DLC1: variants seen among roughly 807,000 people sequenced by gnomAD.
DLC1 encodes rho GTPase-activating protein 7.
A neutral mutation model predicts 140.3 loss-of-function variants in DLC1; 54 were observed. That is an observed-to-expected ratio of 0.38 (90% confidence interval 0.31 to 0.48). The LOEUF is 0.48. Among genes scored for constraint, DLC1 ranks in the 20% least tolerant of loss-of-function variants. DLC1 has a pLI of 0.96. For synonymous variants in DLC1, 986 were observed against 728.1 expected (o/e 1.35, Z -5.70); for missense variants, 2,536 against 1,907.0 (o/e 1.33, Z -6.14).
At chr8:13,190,072 C>G (rs1330176282) in intron 5 of DLC1, among the ~76,000 whole-genome samples, 1 of 152,152 alleles carries the variant, frequency 6.6e-6, no homozygotes, top group Admixed American at 6.6e-5. Context: ...ACAGATGAAA[C>G]TAACTCTAAT....
intron 4 of DLC1, among the ~76,000 whole-genome samples, chr8:13,372,295 T>C (rs1320574757): frequency 6.6e-6 from 1 of 152,198 alleles, no homozygotes; most frequent in East Asian, 1.9e-4. Flanking sequence ...AATCATGCTT[T>C]CCTTACTAAT....
At chr8:13,094,415 T>G (rs1234993991) in intron 12 of DLC1, among the ~76,000 whole-genome samples, 1 of 152,052 alleles carries the variant, frequency 6.6e-6, no homozygotes, top group Non-Finnish European at 1.5e-5. Flanking sequence ...CCTGTAATCC[T>G]AGCACTCTGG....
chr8:13,392,417 A>T (rs2117210162), intron 4 of DLC1, among the ~76,000 whole-genome samples: 1 of 152,360 alleles, frequency 6.6e-6, no homozygotes, highest in Admixed American at 6.5e-5. Flanking sequence ...TAAATATTTA[A>T]GCCATGCGTA....
rs373564962 is a variant in DLC1, at chr8:13,424,268, C to T, written c.1024-22649G>A. ...AATCCCAGCACTTTGGGAGGCCAAT[C>T]ACCTGAAGTCAGGAGTTCAAGGTCA... On this transcript the variant is annotated intron_variant, in intron 2 of 17. Transcript: ENST00000276297. Among the ~76,000 whole-genome samples the T allele has an allele frequency of 2.2e-4, 34 of 152,196 alleles. No homozygotes were observed. The East Asian group carries it at 2.3e-3, about 10-fold the overall frequency.
At chr8:13,423,584 A>T (rs948411685) in intron 2 of DLC1, among the ~76,000 whole-genome samples, 8 of 152,178 alleles carry the variant, frequency 5.3e-5, no homozygotes, top group African/African-American at 7.2e-5. Flanking sequence ...AAGGAGTATT[A>T]ATACTATGAT....
At chr8:13,127,506 T>C (rs10503436) in intron 5 of DLC1, among the ~76,000 whole-genome samples, 16,067 of 152,278 alleles carry the variant, frequency 0.11, 1,907 homozygotes, top group African/African-American at 0.29. Context: ...GAGAACTGTA[T>C]GGAGATTGGA....
intron 2 of DLC1, chr8:13,498,813 A>G: frequency 2.4e-6 from 1 of 423,334 alleles, no homozygotes; most frequent in South Asian, 6.8e-5. Context: ...CACAATTCTG[A>G]AATAGAATAT....
At chr8:13,329,600 A>T (rs1313163366) in intron 4 of DLC1, among the ~76,000 whole-genome samples, 2 of 152,168 alleles carry the variant, frequency 1.3e-5, no homozygotes, top group Non-Finnish European at 2.9e-5. Flanking sequence ...TTTTGGGGTG[A>T]CTTGGTTTAG....
At chr8:13,248,594 C>A (rs1324750619) in intron 5 of DLC1, among the ~76,000 whole-genome samples, 1 of 152,138 alleles carries the variant, frequency 6.6e-6, no homozygotes, top group Admixed American at 6.5e-5. Context: ...TCTGCGGACA[C>A]CCCCCACATG....
At chr8:13,142,300 A>T (rs946917430) in intron 5 of DLC1, among the ~76,000 whole-genome samples, 1 of 152,228 alleles carries the variant, frequency 6.6e-6, no homozygotes, top group Non-Finnish European at 1.5e-5. Flanking sequence ...AAAGACTAAT[A>T]TTTGAGGATT....
intron 1 of DLC1, among the ~76,000 whole-genome samples, chr8:13,551,980 T>A (rs1197448643): frequency 6.9e-6 from 1 of 145,726 alleles, no homozygotes; most frequent in Non-Finnish European, 1.5e-5. Context: ...TATGTGTGTG[T>A]GTGTATATAT....
intron 4 of DLC1, among the ~76,000 whole-genome samples, chr8:13,319,819 CTCTTTT>C (rs1367377984): frequency 2.6e-4 from 20 of 76,164 alleles, no homozygotes; most frequent in African/African-American, 4.9e-4. Context: ...TTCTCTCTCT[CTCTTTT>C]TTTTTTTTTT....
intron 5 of DLC1, among the ~76,000 whole-genome samples, chr8:13,121,739 G>C (rs1377339287): frequency 6.6e-6 from 1 of 151,898 alleles, no homozygotes; most frequent in African/African-American, 2.4e-5. Flanking sequence ...TTTTTATAGA[G>C]ACAGAGTCTC....
At chr8:13,294,076 C>G (rs1203679474) in intron 5 of DLC1, among the ~76,000 whole-genome samples, 2 of 152,168 alleles carry the variant, frequency 1.3e-5, no homozygotes, top group Admixed American at 1.3e-4. Flanking sequence ...AATAGTTTCA[C>G]TATGCGGAAA....
At chr8:13,558,872 T>G (rs1201589609) in intron 1 of DLC1, 1 of 152,196 alleles carries the variant, frequency 6.6e-6, no homozygotes, top group Non-Finnish European at 1.5e-5. Context: ...GACTTTTACT[T>G]CAAGCCTTTT....
At chr8:13,464,766 T>TTATATATATATATATA (rs1299837929) in intron 2 of DLC1, among the ~76,000 whole-genome samples, 8 of 7,550 alleles carry the variant, frequency 1.1e-3, no homozygotes, top group Non-Finnish European at 1.9e-3. Flanking sequence ...ATATATATAT[T>TTATATATATATATATA]TATATATATA....
intron 1 of DLC1, among the ~76,000 whole-genome samples, chr8:13,599,123 A>G (rs1188504853): frequency 6.6e-6 from 1 of 151,900 alleles, no homozygotes; most frequent in African/African-American, 2.4e-5. Context: ...CTGATTGAAA[A>G]AACGTCTGCT....
chr8:13,214,853 T>C (rs1164625690), intron 5 of DLC1: 2 of 744,788 alleles, frequency 2.7e-6, no homozygotes, highest in African/African-American at 3.4e-5. Flanking sequence ...TGAGTGGCAA[T>C]AGATGGGTCT....
chr8:13,171,015 A>C (rs899989937), intron 5 of DLC1, among the ~76,000 whole-genome samples: 8 of 152,338 alleles, frequency 5.3e-5, no homozygotes, highest in African/African-American at 1.7e-4. Context: ...TGTTATGTTT[A>C]CTGATTATCA....
Sources: gnomAD v4.1 joint callset for allele counts (sites outside exome capture counted in the v4.1 genomes callset) on GRCh38, gnomAD v4.1.1 for gene constraint, MANE v1.5 for transcripts, NCBI Gene and HGNC (gene_info 2026-07-23, HGNC 2026-07-21) for gene names.